The following LRP1B variants were observed in gnomAD, a reference collection of about 807,000 sequenced individuals.
LRP1B encodes the protein LDL receptor related protein 1B.
A neutral mutation model predicts 556.6 loss-of-function variants in LRP1B; 217 were observed. That is an observed-to-expected ratio of 0.39 (90% CI 0.35 to 0.44). The LOEUF is 0.44. Among genes scored for constraint, LRP1B ranks in the 20% least tolerant of loss-of-function variants. LRP1B has a pLI of 1.00. For missense variants in LRP1B, 5,053 were observed against 5,620.8 expected, an observed-to-expected ratio of 0.90 and a Z score of 3.23; for synonymous variants, 2,047 against 1,865.8, an observed-to-expected ratio of 1.10 and a Z score of -2.50.
chr2:141,272,293 G>T (rs1444286463), intron 3 of LRP1B, among the ~76,000 whole-genome samples: 1 of 151,584 alleles, frequency 6.6e-6, no homozygotes, highest in Non-Finnish European at 1.5e-5. Flanking sequence ...GTATTACTTA[G>T]GACAACTATT....
At chr2:140,615,579 C>A (rs1245408426) in intron 41 of LRP1B, among the ~76,000 whole-genome samples, 2 of 152,120 alleles carry the variant, frequency 1.3e-5, no homozygotes, top group African/African-American at 2.4e-5. Context: ...CATGTTCTTT[C>A]ATCTAGCTAG....
chr2:141,634,681 T>C (rs1434674315), intron 2 of LRP1B, among the ~76,000 whole-genome samples: 1 of 152,012 alleles, frequency 6.6e-6, no homozygotes, highest in Non-Finnish European at 1.5e-5. Context: ...ATATAACATA[T>C]ACAAAAGAGG....
intron 59 of LRP1B, among the ~76,000 whole-genome samples, chr2:140,476,876 C>T (rs1482961649): frequency 6.6e-6 from 1 of 152,110 alleles, no homozygotes; most frequent in Non-Finnish European, 1.5e-5. Flanking sequence ...GAATTCCTCC[C>T]TAGTGTTTTT....
chr2:140,624,809 C>T (rs1295048719), intron 41 of LRP1B, among the ~76,000 whole-genome samples: 1 of 152,006 alleles, frequency 6.6e-6, no homozygotes, highest in East Asian at 1.9e-4. Flanking sequence ...CTGTAAAATA[C>T]TAATTGCAAA....
At chr2:141,343,488 A>G (rs888493590) in intron 3 of LRP1B, among the ~76,000 whole-genome samples, 1 of 152,092 alleles carries the variant, frequency 6.6e-6, no homozygotes, top group Non-Finnish European at 1.5e-5. Context: ...TGTGCTAGAT[A>G]TTTTTGTGGG....
chr2:141,329,654 A>AC (rs1687565797), intron 3 of LRP1B, among the ~76,000 whole-genome samples: 1 of 140,184 alleles, frequency 7.1e-6, no homozygotes, highest in African/African-American at 2.8e-5. Flanking sequence ...AAAAAAAAAA[A>AC]AAAAAAAAAA....
At chr2:141,416,573 C>T (rs1479187112) in intron 3 of LRP1B, among the ~76,000 whole-genome samples, 1 of 150,964 alleles carries the variant, frequency 6.6e-6, no homozygotes, top group Non-Finnish European at 1.5e-5. Context: ...CCTGCCTCTA[C>T]CTCCTGAGTA....
chr2:141,143,835 C>CT (rs11408374), intron 7 of LRP1B, among the ~76,000 whole-genome samples: 71,775 of 147,966 alleles, frequency 0.49, 17,521 homozygotes, highest in East Asian at 0.74. Flanking sequence ...CTTTCCTAAT[C>CT]TTTTTTTTTT....
intron 22 of LRP1B, among the ~76,000 whole-genome samples, chr2:140,903,901 ATGATTACATATGATTACATATATAATG>A (rs1694175101): frequency 1.3e-5 from 2 of 152,138 alleles, no homozygotes; most frequent in African/African-American, 4.8e-5. Flanking sequence ...ATATAATTAC[ATGATTACATATGATTACATATATAATG>A]TGATTACACA....
chr2:141,295,287 T>G (rs142177785), intron 3 of LRP1B, among the ~76,000 whole-genome samples: 274 of 152,338 alleles, frequency 1.8e-3, no homozygotes, highest in African/African-American at 6.2e-3. Flanking sequence ...AAGATTTTGA[T>G]CAATTCTAAA....
intron 3 of LRP1B, among the ~76,000 whole-genome samples, chr2:141,337,008 A>G (rs1687870587): frequency 6.6e-6 from 1 of 152,206 alleles, no homozygotes; most frequent in Non-Finnish European, 1.5e-5. Flanking sequence ...ACATTCATGT[A>G]CAGGTTTCTG....
At chr2:140,694,278 T>G (rs1034492964) in intron 41 of LRP1B, among the ~76,000 whole-genome samples, 30 of 152,198 alleles carry the variant, frequency 2.0e-4, no homozygotes, top group Admixed American at 7.2e-4. Flanking sequence ...ACTTTATATT[T>G]TTTTAATTAG....
At chr2:141,369,913 T>A (rs1573867113) in intron 3 of LRP1B, among the ~76,000 whole-genome samples, 1 of 152,330 alleles carries the variant, frequency 6.6e-6, no homozygotes, top group Non-Finnish European at 1.5e-5. Flanking sequence ...TGTGTCTGAG[T>A]TATTTCACTT....
At chr2:140,731,764 CAAAAAAAAA>C (rs36060787) in intron 35 of LRP1B, among the ~76,000 whole-genome samples, 3 of 59,388 alleles carry the variant, frequency 5.1e-5, no homozygotes, top group African/African-American at 1.2e-4. Context: ...GAGACTCCGT[CAAAAAAAAA>C]AAAAAAAAAA....
intron 7 of LRP1B, among the ~76,000 whole-genome samples, chr2:141,140,800 A>C (rs981742867): frequency 6.6e-6 from 1 of 152,188 alleles, no homozygotes; most frequent in East Asian, 1.9e-4. Flanking sequence ...TGTTTTTAAA[A>C]ATGCGAAAAA....
chr2:141,194,594 TG>T (rs1196627394), intron 6 of LRP1B, among the ~76,000 whole-genome samples: 3 of 152,156 alleles, frequency 2.0e-5, no homozygotes, highest in Non-Finnish European at 2.9e-5. Flanking sequence ...AAGCATTTTG[TG>T]TGTTCAGCCA....
chr2:140,627,474 T>C (rs1421298059), intron 41 of LRP1B, among the ~76,000 whole-genome samples: 5 of 151,928 alleles, frequency 3.3e-5, no homozygotes, highest in Admixed American at 6.6e-5. Context: ...TTTGGACTCT[T>C]GGACCTACAC....
intron 85 of LRP1B, among the ~76,000 whole-genome samples, chr2:140,271,465 G>T (rs1459859012): frequency 6.6e-6 from 1 of 151,946 alleles, no homozygotes; most frequent in Non-Finnish European, 1.5e-5. Flanking sequence ...TAGGTGAGAT[G>T]CCTAAAAATA....
chr2:141,812,274 A>G (rs546391208), intron 1 of LRP1B, among the ~76,000 whole-genome samples: 1 of 152,240 alleles, frequency 6.6e-6, no homozygotes, highest in East Asian at 1.9e-4. Context: ...ATAATTTATC[A>G]CCAAGCTGAG....
Sources: gnomAD v4.1 joint callset for allele counts (sites outside exome capture counted in the v4.1 genomes callset) on GRCh38, gnomAD v4.1.1 for gene constraint, MANE v1.5 for transcripts, NCBI Gene and HGNC (gene_info 2026-07-23, HGNC 2026-07-21) for gene names.